PLAC8L1: variants seen among roughly 807,000 people sequenced by gnomAD.
The protein encoded by PLAC8L1 is PLAC8-like protein 1.
In PLAC8L1, 13 loss-of-function variants were observed where a neutral mutation model predicts 16.3. The observed-to-expected ratio is 0.80, with a 90% confidence interval of 0.52 to 1.27. The LOEUF (loss-of-function observed/expected upper bound fraction) is 1.27. PLAC8L1 is among the 50% of genes most tolerant of loss of function. The pLI, the probability that PLAC8L1 is intolerant of heterozygous loss-of-function variation, is 0.00. For synonymous variants in PLAC8L1, 78 were observed against 79.3 expected, an observed-to-expected ratio of 0.98 and a Z score of 0.09; for missense variants, 184 against 220.2, an observed-to-expected ratio of 0.84 and a Z score of 1.04.
intron 1 of PLAC8L1, chr5:146,103,648 G>A (rs1204017092): frequency 1.0e-6 from 1 of 984,184 alleles, no homozygotes; most frequent in Non-Finnish European, 1.2e-6. Context: ...GAGGCAGGAG[G>A]CTAACTCCTG....
intron 2 of PLAC8L1, among the ~76,000 whole-genome samples, chr5:146,095,121 T>C (rs1763688740): frequency 6.6e-6 from 1 of 152,210 alleles, no homozygotes; most frequent in Non-Finnish European, 1.5e-5. Context: ...TACACAGTAA[T>C]ATATTACCTT....
intron 2 of PLAC8L1, among the ~76,000 whole-genome samples, chr5:146,096,458 A>G (rs1763719570): frequency 6.6e-6 from 1 of 152,130 alleles, no homozygotes; most frequent in South Asian, 2.1e-4. Flanking sequence ...TGGGTTCTAT[A>G]CATCTTCTGT....
chr5:146,105,577 G>GAAAA (rs1561787606), upstream of PLAC8L1, among the ~76,000 whole-genome samples: 1 of 22,270 alleles, frequency 4.5e-5, no homozygotes, highest in Admixed American at 7.6e-4. Flanking sequence ...TACTAGCTTT[G>GAAAA]CAAAAAAAAA....
chr5:146,087,574 G>A (rs1244919562), intron 2 of PLAC8L1, among the ~76,000 whole-genome samples: 4 of 152,164 alleles, frequency 2.6e-5, no homozygotes, highest in East Asian at 3.9e-4. Context: ...GCTGGGGTGC[G>A]GTGGCACGAT....
intron 2 of PLAC8L1, among the ~76,000 whole-genome samples, chr5:146,091,028 C>T (rs1238016773): frequency 1.3e-5 from 2 of 151,402 alleles, no homozygotes; most frequent in East Asian, 1.9e-4. Context: ...CACTCCAGCC[C>T]GAGCGACAAG....
intron 1 of PLAC8L1, chr5:146,103,637 G>A: frequency 1.0e-6 from 1 of 982,386 alleles, no homozygotes; most frequent in South Asian, 4.7e-5. Context: ...CTTTAACTCA[G>A]GAGGCAGGAG....
intron 2 of PLAC8L1, among the ~76,000 whole-genome samples, chr5:146,092,871 TGTTGATA>T (rs893867331): frequency 6.6e-6 from 1 of 152,086 alleles, no homozygotes; most frequent in African/African-American, 2.4e-5. Context: ...GCTCCAGATA[TGTTGATA>T]TGGTCTGATC....
At chr5:146,088,334 G>C (rs1228134124) in intron 2 of PLAC8L1, among the ~76,000 whole-genome samples, 1 of 152,140 alleles carries the variant, frequency 6.6e-6, no homozygotes. Flanking sequence ...TTACTCTTGT[G>C]AGTGTGAAGT....
chr5:146,098,322 G>T lies in PLAC8L1; in HGVS notation c.120-30C>A, dbSNP rs762382087. 1.2e-5 allele frequency: 20 copies of T among 1,604,652 alleles called. No homozygotes were observed. The South Asian group carries it at 2.1e-4, about 17-fold the overall frequency. ...AGAGTCAAGGATGATGATTAACTTG[G>T]AAACAAAGGTGTTTCAGAACAATAA... On this transcript the variant is annotated intron_variant, in intron 1 of 3. Transcript: ENST00000311450.
chr5:146,095,734 G>A (rs536630206), intron 2 of PLAC8L1, among the ~76,000 whole-genome samples: 2 of 152,220 alleles, frequency 1.3e-5, no homozygotes, highest in Admixed American at 6.5e-5. Flanking sequence ...TCAGAGAACC[G>A]TGGGCCTGGT....
Position 146,105,256 on chromosome 5 carries a change from T to C in PLAC8L1, c.-945A>G, listed in dbSNP as rs1763890763. On this transcript the variant is annotated 5_prime_UTR_variant, in exon 1 of 4. Coordinates refer to ENST00000311450, the MANE Select transcript of PLAC8L1 (RefSeq NM_001029869.3). ...ATCAGACCCATAGAGAATGGTTGCT[T>C]AGGGTTCTGAACTTCAAAGCATTTA... is the stretch of plus-strand genomic sequence containing the variant. Among the ~76,000 whole-genome samples the C allele has an allele frequency of 6.6e-6, 1 of 152,150 alleles. No homozygotes were observed. The highest frequency in any genetic ancestry group is 2.4e-5 in the African/African-American group (1 of 41,430).
chr5:146,090,758 T>A (rs1763602264), intron 2 of PLAC8L1, among the ~76,000 whole-genome samples: 2 of 151,926 alleles, frequency 1.3e-5, no homozygotes, highest in Non-Finnish European at 2.9e-5. Flanking sequence ...TGCCAATTTT[T>A]AAAAATTTGT....
rs1177410351 is a variant in PLAC8L1, at chr5:146,104,160, AAAGCTAGGGGAAAAACTCACC to A, written c.119+12_119+32del. On this transcript the variant is annotated intron_variant, in intron 1 of 3. Transcript: ENST00000311450. Reference sequence around the variant, plus strand: ...GATTCGATAGTCCAACTAAAGAGCAAAAGCTAGGGGAAAAACTCACCCTATTCCCTACCTCAAGTTGGAAAT... The same window carrying A: ...GATTCGATAGTCCAACTAAAGAGCAACTATTCCCTACCTCAAGTTGGAAAT... The A allele has an allele frequency of 6.2e-7, 1 of 1,608,338 alleles. No homozygotes were observed. The highest frequency in any genetic ancestry group is 8.5e-7 in the Non-Finnish European group (1 of 1,177,426).
At chr5:146,092,535 A>ATTTTTTTTTTTTTTTTTTTTTTTTTT (rs35101919) in intron 2 of PLAC8L1, among the ~76,000 whole-genome samples, 1 of 100,384 alleles carries the variant, frequency 1.0e-5, no homozygotes, top group African/African-American at 3.8e-5. Context: ...ATCTTTGCAG[A>ATTTTTTTTTTTTTTTTTTTTTTTTTT]TTTTTTTTTT....
intron 2 of PLAC8L1, among the ~76,000 whole-genome samples, chr5:146,093,175 T>C (rs1054996297): frequency 6.6e-6 from 1 of 151,894 alleles, no homozygotes; most frequent in Non-Finnish European, 1.5e-5. Context: ...ACTTTTATAA[T>C]TAAACATCTA....
At chr5:146,099,651 TC>T (rs1260433392) in intron 1 of PLAC8L1, among the ~76,000 whole-genome samples, 2 of 105,984 alleles carry the variant, frequency 1.9e-5, no homozygotes, top group Non-Finnish European at 3.6e-5. Context: ...AGAGCAAGAC[TC>T]CGTCTCAAAA....
chr5:146,096,107 G>T (rs1453243814), intron 2 of PLAC8L1, among the ~76,000 whole-genome samples: 1 of 152,092 alleles, frequency 6.6e-6, no homozygotes, highest in Admixed American at 6.6e-5. Context: ...GTTCCTTTTG[G>T]GGGGTCCGAG....
chr5:146,102,455 T>C (rs1350624866), intron 1 of PLAC8L1, among the ~76,000 whole-genome samples: 1 of 152,198 alleles, frequency 6.6e-6, no homozygotes, highest in Admixed American at 6.5e-5. Context: ...ACTGAGTACC[T>C]TCCATGTACC....
intron 2 of PLAC8L1, among the ~76,000 whole-genome samples, chr5:146,090,652 G>A (rs966008605): frequency 6.6e-6 from 1 of 152,126 alleles, no homozygotes; most frequent in Non-Finnish European, 1.5e-5. Flanking sequence ...CCACTTAAGA[G>A]CAAATACAAA....
Sources: allele counts gnomAD v4.1 joint callset (sites outside exome capture counted in the v4.1 genomes callset), GRCh38; gene constraint gnomAD v4.1.1; transcripts MANE v1.5; gene names NCBI Gene and HGNC (gene_info 2026-07-23, HGNC 2026-07-21).